Variants in PARD3 observed in about 807,000 individuals in gnomAD.
PARD3 encodes par-3 family cell polarity regulator, also known as partitioning defective 3 homolog.
In PARD3, 75 loss-of-function variants were observed where a neutral mutation model predicts 155.4. The observed-to-expected ratio is 0.48, with a 90% CI of 0.40 to 0.58. PARD3 has a LOEUF of 0.58. Among genes scored for constraint, PARD3 ranks in the 20% least tolerant of loss-of-function variants. The pLI, the probability that PARD3 is intolerant of heterozygous loss-of-function variation, is 0.00. For missense variants in PARD3, 1,642 were observed against 1,721.7 expected (o/e 0.95, Z 0.82); for synonymous variants, 576 against 610.5 (o/e 0.94, Z 0.83).
chr10:34,537,467 T>G (rs1453899238), intron 2 of PARD3, among the ~76,000 whole-genome samples: 1 of 152,212 alleles, frequency 6.6e-6, no homozygotes, highest in Non-Finnish European at 1.5e-5. Flanking sequence ...GCAACCAGGA[T>G]GCATCTGCCA....
At chr10:34,629,797 T>TTTA in intron 2 of PARD3, among the ~76,000 whole-genome samples, 1 of 152,302 alleles carries the variant, frequency 6.6e-6, no homozygotes, top group East Asian at 1.9e-4. Flanking sequence ...ATTAGGAGAT[T>TTTA]TTAAGACTGT....
intron 7 of PARD3, among the ~76,000 whole-genome samples, chr10:34,393,258 A>G (rs1843003385): frequency 6.6e-6 from 1 of 151,946 alleles, no homozygotes; most frequent in African/African-American, 2.4e-5. Context: ...ATAAAGGTAG[A>G]TGTAAATAAG....
At chr10:34,396,155 A>T (rs1322610340) in intron 7 of PARD3, among the ~76,000 whole-genome samples, 7 of 152,086 alleles carry the variant, frequency 4.6e-5, no homozygotes, top group African/African-American at 1.7e-4. Context: ...TTCCAGATCA[A>T]CCTGGCCAAC....
chr10:34,349,029 C>T (rs759124057), intron 14 of PARD3, among the ~76,000 whole-genome samples: 15 of 152,062 alleles, frequency 9.9e-5, no homozygotes, highest in East Asian at 1.9e-4. Flanking sequence ...ATCCTCATAA[C>T]GCAGACTGTG....
intron 22 of PARD3, among the ~76,000 whole-genome samples, chr10:34,234,828 G>T (rs566818034): frequency 1.3e-5 from 2 of 152,192 alleles, no homozygotes; most frequent in East Asian, 3.9e-4. Context: ...TTATGTTTTT[G>T]TAAATGAATG....
At chr10:34,276,624 T>C (rs1589026146) in intron 21 of PARD3, among the ~76,000 whole-genome samples, 1 of 152,186 alleles carries the variant, frequency 6.6e-6, no homozygotes, top group Non-Finnish European at 1.5e-5. Flanking sequence ...GTCTAGTCTT[T>C]ATATATCCAG....
At chr10:34,799,566 G>A (rs905590141) in intron 1 of PARD3, among the ~76,000 whole-genome samples, 1 of 152,080 alleles carries the variant, frequency 6.6e-6, no homozygotes, top group African/African-American at 2.4e-5. Context: ...ACCCAAGTCA[G>A]GAAAAAACCC....
chr10:34,469,168 C>T (rs2078192539), intron 4 of PARD3, among the ~76,000 whole-genome samples: 3 of 152,240 alleles, frequency 2.0e-5, no homozygotes, highest in South Asian at 2.1e-4. Flanking sequence ...TAGAGTGCAG[C>T]GGCGTGATCT....
chr10:34,763,614 C>G (rs1777602368), intron 1 of PARD3, among the ~76,000 whole-genome samples: 1 of 152,166 alleles, frequency 6.6e-6, no homozygotes, highest in Admixed American at 6.5e-5. Flanking sequence ...TGTCACCACT[C>G]CACCCCACCA....
chr10:34,516,909 G>A, intron 3 of PARD3, 70 bp downstream of exon 3: 5 of 1,404,980 alleles, frequency 3.6e-6, no homozygotes, highest in Non-Finnish European at 5.0e-6. Flanking sequence ...CAGGGTCATG[G>A]ATGAATAACA....
At chr10:34,732,863 C>T (rs956556939) in intron 1 of PARD3, among the ~76,000 whole-genome samples, 1 of 152,140 alleles carries the variant, frequency 6.6e-6, no homozygotes, top group African/African-American at 2.4e-5. Flanking sequence ...CCTCCCTCAG[C>T]AATACTCACA....
rs59606413 is a variant in PARD3, at chr10:34,565,260, CTTTTTTTTTTT to C, written c.223-48112_223-48102del. 2.8e-3 allele frequency among the ~76,000 whole-genome samples: 111 copies of C among 39,672 alleles called. 3 individuals carry two copies. The highest frequency in any genetic ancestry group is 0.015 in the East Asian group (17 of 1,170). The allele number at this position is 39,672 out of a possible 152,430, so 26.0% of individuals were successfully genotyped here. A position where few individuals can be genotyped will look rare whatever the true frequency, so the allele number is the denominator to read the frequency against. ...TCAGATAAAAGACAAAGGAGCAAGGCTTTTTTTTTTTTTTTTTTTTTTTTTTTGAGACAGTC... is the reference window on the plus strand; with the variant it reads ...TCAGATAAAAGACAAAGGAGCAAGGCTTTTTTTTTTTTTTTTGAGACAGTC... On this transcript the variant is annotated intron_variant, in intron 2 of 24. Transcript: ENST00000374788.
chr10:34,684,842 CACACAT>C lies in PARD3; in HGVS notation c.222+11470_222+11475del, dbSNP rs2093923193. ...ACACACACACACACATATATACACA[CACACAT>C]ATATATACATGTATATATATACACA... On this transcript the variant is annotated intron_variant, in intron 2 of 24. Transcript: ENST00000374788. 4.4e-5 allele frequency among the ~76,000 whole-genome samples: 6 copies of C among 137,662 alleles called. No homozygotes were observed. In the South Asian group the frequency reaches 6.9e-4, roughly 16 times the overall value. 90.3% of individuals were successfully genotyped at this position (137,662 alleles called of 152,430 possible). A position where few individuals can be genotyped will look rare whatever the true frequency, so the allele number is the denominator to read the frequency against.
At chr10:34,157,341 C>T (rs534860672) in intron 22 of PARD3, among the ~76,000 whole-genome samples, 6 of 152,260 alleles carry the variant, frequency 3.9e-5, no homozygotes, top group African/African-American at 9.6e-5. Context: ...TGCCTCTCTC[C>T]GGAATTAAGA....
intron 1 of PARD3, among the ~76,000 whole-genome samples, chr10:34,754,932 A>C (rs1836515672): frequency 6.6e-6 from 1 of 152,238 alleles, no homozygotes; most frequent in Non-Finnish European, 1.5e-5. Flanking sequence ...AGGGACCTAC[A>C]TCCTTGACCA....
chr10:34,626,211 A>T (rs1447557358), intron 2 of PARD3, among the ~76,000 whole-genome samples: 2 of 152,204 alleles, frequency 1.3e-5, no homozygotes, highest in Non-Finnish European at 2.9e-5. Flanking sequence ...GACAGCCAGG[A>T]GTTGGGACCA....
chr10:34,344,492 G>C (rs1335032758), intron 15 of PARD3: 1 of 682,774 alleles, frequency 1.5e-6, no homozygotes, highest in Non-Finnish European at 1.8e-6. Flanking sequence ...ATGTTGGCCA[G>C]GCTGGTCTTA....
intron 3 of PARD3, among the ~76,000 whole-genome samples, chr10:34,473,480 A>T (rs2078496128): frequency 6.6e-6 from 1 of 152,052 alleles, no homozygotes; most frequent in African/African-American, 2.4e-5. Context: ...TGAGGTCAGG[A>T]GTTCAAGACC....
intron 5 of PARD3, among the ~76,000 whole-genome samples, chr10:34,448,105 A>C (rs555757997): frequency 1.9e-4 from 29 of 151,638 alleles, no homozygotes; most frequent in African/African-American, 7.0e-4. Context: ...GCAACCGATG[A>C]ATGGATAAAG....
Sources: allele counts gnomAD v4.1 joint callset (sites outside exome capture counted in the v4.1 genomes callset), GRCh38; gene constraint gnomAD v4.1.1; transcripts MANE v1.5; gene names NCBI Gene and HGNC (gene_info 2026-07-23, HGNC 2026-07-21).